ATP1A1: variants seen among roughly 807,000 people sequenced by gnomAD.
The protein encoded by ATP1A1 is sodium/potassium-transporting ATPase subunit alpha-1.
A neutral mutation model predicts 114.8 loss-of-function variants in ATP1A1; 14 were observed. The observed-to-expected ratio is 0.12, with a 90% CI of 0.08 to 0.19. ATP1A1 has a LOEUF of 0.19. Among genes scored for constraint, ATP1A1 ranks in the 10% least tolerant of loss-of-function variants. The pLI is 1.00. For synonymous variants in ATP1A1, 471 were observed against 466.3 expected (o/e 1.01, Z -0.13); for missense variants, 524 against 1,290.7 (o/e 0.41, Z 9.10).
At chr1:116,402,881 C>G (rs780317607) in intron 21 of ATP1A1, among the ~76,000 whole-genome samples, 12 of 152,200 alleles carry the variant, frequency 7.9e-5, no homozygotes, top group Non-Finnish European at 1.8e-4. Flanking sequence ...GCATGGGCCA[C>G]AGTGTCTTTC....
At position 116,404,563 on chromosome 1, in the gene ATP1A1, G is replaced by A; in HGVS notation, c.*119G>A. On this transcript the variant is annotated 3_prime_UTR_variant, in exon 23 of 23. Coordinates refer to ENST00000295598, the MANE Select transcript of ATP1A1 (RefSeq NM_000701.8). The surrounding 1 kb of genome is among the most constrained non-coding windows in gnomAD (Gnocchi z 4.8). ...TCTACCCTGGTAGGAAAGCACCGCA[G>A]CATGTGGGGAAGCAAGACGTCCTGG... 7.0e-7 allele frequency: 1 copy of A among 1,436,350 alleles called. No homozygotes were observed. The highest frequency in any genetic ancestry group is 2.8e-5 in the East Asian group (1 of 36,342). 89.0% of individuals were successfully genotyped at this position (1,436,350 alleles called of 1,614,324 possible).
chr1:116,403,821 TTC>T (rs1653740315), intron 21 of ATP1A1, 61 bp from the exon 22 acceptor site: 3 of 1,418,406 alleles, frequency 2.1e-6, no homozygotes, highest in Middle Eastern at 1.8e-4. Flanking sequence ...GATGTGCAAT[TTC>T]TCTTTCTTTA....
At position 116,401,272 on chromosome 1, in the gene ATP1A1, A is replaced by G; in HGVS notation, c.2849+12A>G. The G allele has an allele frequency of 1.2e-6, 2 of 1,614,178 alleles. No homozygotes were observed. The highest frequency in any genetic ancestry group is 2.2e-5 in the East Asian group (1 of 44,890). ...CAGCAGGGGATGAAGTAAGTAATGA[A>G]GGACATGTCAAGGCCTTGGCTCAAA... On this transcript the variant is annotated intron_variant, in intron 20 of 22. Transcript: ENST00000295598. The surrounding 1 kb of genome is among the most constrained non-coding windows in gnomAD (Gnocchi z 4.7).
At position 116,389,608 on chromosome 1, in the gene ATP1A1, C is replaced by T. The variant is rs1167893335; in HGVS notation, c.924C>T (p.Ile308=). 1.9e-6 allele frequency: 3 copies of T among 1,614,184 alleles called. No individual in the cohort carries two copies. The highest frequency in any genetic ancestry group is 2.5e-6 in the Non-Finnish European group (3 of 1,180,032). Reference sequence around the variant, plus strand: ...TGTTCCTGGGTGTGTCTTTCTTCATCCTTTCTCTCATCCTTGAGTACACCT... The same window carrying T: ...TGTTCCTGGGTGTGTCTTTCTTCATTCTTTCTCTCATCCTTGAGTACACCT... ...VAVFLGVSFF[I]LSLILEYTWL... The change falls in exon 8 of 23, where the codon ATC becomes ATT. Residue 308 remains isoleucine, a synonymous_variant. Coordinates refer to ENST00000295598, the MANE Select transcript of ATP1A1 (RefSeq NM_000701.8). This position sits in a 1 kb window ranked among gnomAD's most constrained non-coding sequence, Gnocchi z 6.9.
chr1:116,380,582 A>T (rs568562857), intron 1 of ATP1A1, among the ~76,000 whole-genome samples: 12 of 152,238 alleles, frequency 7.9e-5, no homozygotes, highest in African/African-American at 2.9e-4. Context: ...GTCCCCATTA[A>T]ATGGCTAATT....
At chr1:116,391,045 A>G (rs1022660359) in intron 10 of ATP1A1, among the ~76,000 whole-genome samples, 154 bp downstream of exon 10, 8 of 152,204 alleles carry the variant, frequency 5.3e-5, no homozygotes, top group African/African-American at 1.9e-4. Context: ...TGTGTAACTT[A>G]CATTGTGTTG....
At chr1:116,374,511 TC>T (rs1416301950) in intron 1 of ATP1A1, among the ~76,000 whole-genome samples, 5 of 151,590 alleles carry the variant, frequency 3.3e-5, no homozygotes, top group Non-Finnish European at 7.4e-5. Context: ...AAACGAGGGG[TC>T]TTGGGGCTGG....
chr1:116,402,440 G>A (rs1038149484), intron 21 of ATP1A1, among the ~76,000 whole-genome samples: 9 of 152,124 alleles, frequency 5.9e-5, no homozygotes, highest in East Asian at 1.9e-4. Context: ...GCTCAGACCC[G>A]TCTGGACCAT....
In ATP1A1 at chr1:116,373,359, G is replaced by C. The variant is rs1017682364; in HGVS notation, c.-153G>C. Reference sequence around the variant, plus strand: ...AGCGGCGGCGGCATCGGCCCGAGCCGCCGGCCGCCCTCCCACCCTCCCGCC... The same window carrying C: ...AGCGGCGGCGGCATCGGCCCGAGCCCCCGGCCGCCCTCCCACCCTCCCGCC... On this transcript the variant is annotated 5_prime_UTR_variant, in exon 1 of 23. Coordinates refer to ENST00000295598, the MANE Select transcript of ATP1A1 (RefSeq NM_000701.8). The C allele has an allele frequency of 3.2e-6, 2 of 625,078 alleles. No individual in the cohort carries two copies. The highest frequency in any genetic ancestry group is 2.3e-6 in the Non-Finnish European group (1 of 434,546). The allele number at this position is 625,078 out of a possible 1,614,324, so 38.7% of individuals were successfully genotyped here. A position where few individuals can be genotyped will look rare whatever the true frequency, so the allele number is the denominator to read the frequency against.
rs1344496302 is a variant in ATP1A1, at chr1:116,399,737, C to A, written c.2572+194C>A. 3.3e-5 allele frequency among the ~76,000 whole-genome samples: 5 copies of A among 152,158 alleles called. No homozygotes were observed. The highest frequency in any genetic ancestry group is 7.3e-5 in the Non-Finnish European group (5 of 68,030). On this transcript the variant is annotated intron_variant, in intron 18 of 22. Coordinates refer to ENST00000295598, the MANE Select transcript of ATP1A1 (RefSeq NM_000701.8). The surrounding 1 kb of genome is among the most constrained non-coding windows in gnomAD (Gnocchi z 5.0). ...TGAGAATACATCTGTTGCTGTTTGC[C>A]CAGTTACCTTTTGTGGAAACTGGTT...
intron 1 of ATP1A1, 26 bp from the exon 2 acceptor site, chr1:116,383,988 C>T (rs752576782): frequency 1.3e-6 from 2 of 1,591,058 alleles, no homozygotes; most frequent in South Asian, 1.1e-5. Context: ...AATTCATGGC[C>T]TCACTTTTCC....
intron 1 of ATP1A1, among the ~76,000 whole-genome samples, chr1:116,375,276 G>A (rs1651289695): frequency 6.6e-6 from 1 of 152,226 alleles, no homozygotes; most frequent in Non-Finnish European, 1.5e-5. Context: ...TTCTTGAACA[G>A]CCTGTGGCCT....
chr1:116,373,583 A>AGTCGGGAGGGCGACCGCGGCC, intron 1 of ATP1A1, 60 bp downstream of exon 1: 1 of 1,362,506 alleles, frequency 7.3e-7, no homozygotes, highest in Non-Finnish European at 9.5e-7. Context: ...AAGAGGAGGA[A>AGTCGGGAGGGCGACCGCGGCC]GTCGGGAGGG....
At position 116,373,506 on chromosome 1, in the gene ATP1A1, G is replaced by A. The variant is rs1483404458; in HGVS notation, c.-6G>A. 1 of 1,498,746 alleles carries A rather than the reference G, an allele frequency of 6.7e-7. No individual in the cohort carries two copies. The highest frequency in any genetic ancestry group is 8.9e-7 in the Non-Finnish European group (1 of 1,124,674). The allele number at this position is 1,498,746 out of a possible 1,614,324, so 92.8% of individuals were successfully genotyped here. A position where few individuals can be genotyped will look rare whatever the true frequency, so the allele number is the denominator to read the frequency against. On this transcript the variant is annotated 5_prime_UTR_variant, in exon 1 of 23. Coordinates refer to ENST00000295598, the MANE Select transcript of ATP1A1 (RefSeq NM_000701.8). ...GACCCGGCGCCGGGCACTGAGCACC[G>A]CCACCATGGGGAAGGGGGTGAGTGT...
rs1553188801 is a variant in ATP1A1 at position 116,373,334 on chromosome 1, A to AGC, written c.-176_-175dup. On this transcript the variant is annotated 5_prime_UTR_variant, in exon 1 of 23. Coordinates refer to ENST00000295598, the MANE Select transcript of ATP1A1 (RefSeq NM_000701.8). ...TAGCAGCCCGGGCGGCGGCAGCAAC[A>AGC]GCGGCGGCGGCATCGGCCCGAGCCG... The AGC allele has an allele frequency of 1.1e-5, 6 of 534,482 alleles. No homozygotes were observed. The highest frequency in any genetic ancestry group is 1.5e-5 in the Non-Finnish European group (5 of 337,936). 33.1% of individuals were successfully genotyped at this position (534,482 alleles called of 1,614,324 possible). A position where few individuals can be genotyped will look rare whatever the true frequency, so the allele number is the denominator to read the frequency against.
At chr1:116,383,496 C>A in intron 1 of ATP1A1, 1 of 433,756 alleles carries the variant, frequency 2.3e-6, no homozygotes, top group Non-Finnish European at 3.1e-6. Flanking sequence ...TATCTCCACG[C>A]TGTGGAAGAG....
Position 116,390,800 on chromosome 1 carries a change from C to T in ATP1A1, c.1241C>T (p.Thr414Ile). ...ENQSGVSFDKTSATWLALSRI... is the reference protein window; with the variant it reads ...ENQSGVSFDKISATWLALSRI... ...CCATCAGGTGTCTCTTTTGACAAGA[C>T]TTCAGCTACCTGGCTTGCTCTGTCC... Residue 414 changes from threonine (T) to isoleucine (I), a missense_variant, in exon 10 of 23, where the codon ACT (threonine) becomes ATT (isoleucine). Around this residue, in one of 8 missense-constraint regions of ATP1A1, gnomAD observed 143 missense variants for 259.3 expected, o/e 0.55. Transcript: ENST00000295598. The T allele has an allele frequency of 6.2e-7, 1 of 1,614,168 alleles. No homozygotes were observed. Among genetic ancestry groups the T allele is most frequent in the East Asian group, 2.2e-5 (1 of 44,876 alleles).
At chr1:116,373,873 G>T (rs1284966169) in intron 1 of ATP1A1, 17 of 1,270,166 alleles carry the variant, frequency 1.3e-5, no homozygotes, top group Non-Finnish European at 1.4e-5. Flanking sequence ...TTGCAGCAGC[G>T]GGGGCGGCCC....
chr1:116,393,781 C>T lies in ATP1A1; in HGVS notation c.1660+58C>T. 3.3e-6 allele frequency: 5 copies of T among 1,517,576 alleles called. No individual in the cohort carries two copies. The highest frequency in any genetic ancestry group is 2.5e-5 in the South Asian group (2 of 80,980). 94.0% of individuals were successfully genotyped at this position (1,517,576 alleles called of 1,614,324 possible). On this transcript the variant is annotated intron_variant, in intron 12 of 22. Coordinates refer to ENST00000295598, the MANE Select transcript of ATP1A1 (RefSeq NM_000701.8). The surrounding 1 kb of genome is among the most constrained non-coding windows in gnomAD (Gnocchi z 5.0). ...GCACGTTTTTATCCAGTAACCTAGT[C>T]TGGTAGACAGTTAACAAGTGATCCT...
Sources: gnomAD v4.1 joint callset for allele counts (sites outside exome capture counted in the v4.1 genomes callset) on GRCh38, gnomAD v4.1.1 for gene constraint, gnomAD v4.1.1 regional missense constraint, Gnocchi (gnomAD v3.1) non-coding constraint, MANE v1.5 for transcripts, NCBI Gene and HGNC (gene_info 2026-07-23, HGNC 2026-07-21) for gene names.